Variants in MROH9 observed in about 807,000 individuals in gnomAD.
MROH9 encodes the protein maestro heat like repeat family member 9, also known as maestro heat-like repeat-containing protein family member 9.
MROH9 carries 92 observed loss-of-function variants against 98.2 expected under a neutral mutation model. The observed-to-expected ratio is 0.94, with a 90% CI of 0.79 to 1.11. The LOEUF (loss-of-function observed/expected upper bound fraction) is 1.11, where lower values mean the gene tolerates loss of function less well. Ranked by LOEUF, MROH9 falls within the 50% of genes most tolerant of loss-of-function variation. The probability of loss-of-function intolerance (pLI) is 0.00; values close to 1 mark genes in which losing one functional copy is unlikely to be tolerated. For synonymous variants in MROH9, 397 were observed against 368.9 expected, an observed-to-expected ratio of 1.08 and a Z score of -0.87; for missense variants, 1,057 against 1,014.8, an observed-to-expected ratio of 1.04 and a Z score of -0.57.
intron 20 of MROH9, among the ~76,000 whole-genome samples, chr1:171,042,457 A>T (rs1439279017): frequency 2.6e-5 from 4 of 152,204 alleles, no homozygotes. Flanking sequence ...AAAGAAATGC[A>T]GATATATCTT....
chr1:170,959,107 G>C (rs963954255), intron 4 of MROH9, among the ~76,000 whole-genome samples: 4 of 152,128 alleles, frequency 2.6e-5, no homozygotes, highest in African/African-American at 7.2e-5. Context: ...CAGGCACGGT[G>C]GCTCACACCT....
chr1:170,959,297 C>G (rs1649913560), intron 4 of MROH9, among the ~76,000 whole-genome samples, 165 bp from the exon 5 acceptor site: 1 of 152,130 alleles, frequency 6.6e-6, no homozygotes, highest in Non-Finnish European at 1.5e-5. Flanking sequence ...ATGGTGTGAA[C>G]CCGGGAGGTG....
chr1:170,999,874 T>C (rs1651729213), intron 15 of MROH9, among the ~76,000 whole-genome samples: 1 of 152,166 alleles, frequency 6.6e-6, no homozygotes, highest in African/African-American at 2.4e-5. Flanking sequence ...TTACTGTCAT[T>C]CTTGCAGGAG....
At chr1:171,033,900 TTAAA>T (rs1370531652) in intron 20 of MROH9, among the ~76,000 whole-genome samples, 1 of 152,146 alleles carries the variant, frequency 6.6e-6, no homozygotes, top group Non-Finnish European at 1.5e-5. Flanking sequence ...GATGACTTGA[TTAAA>T]TATACTGAGA....
Position 171,030,179 on chromosome 1 carries a change from CT to C in MROH9, c.2281+4767del, listed in dbSNP as rs543305790. On this transcript the variant is annotated intron_variant, in intron 20 of 21. Coordinates refer to ENST00000367759, the MANE Select transcript of MROH9 (RefSeq NM_001163629.2). The stretch of plus-strand genomic sequence containing the variant: ...TTTTTATTGTATCTATTTAATTCTT[CT>C]TTTTTTTCTACATTAGTTTAGCTAG... 3.9e-5 allele frequency among the ~76,000 whole-genome samples: 6 copies of C among 151,948 alleles called. No individual in the cohort carries two copies. In the East Asian group the frequency reaches 5.8e-4, roughly 15 times the overall value.
chr1:171,040,909 A>T (rs1262349405), intron 20 of MROH9, among the ~76,000 whole-genome samples: 1 of 152,120 alleles, frequency 6.6e-6, no homozygotes, highest in Non-Finnish European at 1.5e-5. Flanking sequence ...AAGATTCTGA[A>T]AATTACATGT....
chr1:170,992,443 T>C (rs1230522686), intron 12 of MROH9, 114 bp downstream of exon 12: 1 of 1,064,130 alleles, frequency 9.4e-7, no homozygotes, highest in African/African-American at 1.6e-5. Context: ...TTCTCATGCA[T>C]CCATTCATGC....
At chr1:170,938,071 T>C (rs1220566726) in intron 1 of MROH9, among the ~76,000 whole-genome samples, 3 of 152,206 alleles carry the variant, frequency 2.0e-5, no homozygotes, top group Admixed American at 6.5e-5. Context: ...GCCTCCATTA[T>C]GGAATAGTAG....
At position 170,982,385 on chromosome 1, in the gene MROH9, T is replaced by C. The variant is rs551396277; in HGVS notation, c.617-1037T>C. Among the ~76,000 whole-genome samples the C allele has an allele frequency of 3.3e-5, 5 of 152,222 alleles. No individual in the cohort carries two copies. The South Asian group carries it at 1.0e-3, about 32-fold the overall frequency. ...ATGGTATGATCCACTTATATAAAAT[T>C]AGAAAGTACCAACTTGACAGAGAGC... is the stretch of plus-strand genomic sequence containing the variant. On this transcript the variant is annotated intron_variant, in intron 8 of 21. Transcript: ENST00000367759.
chr1:171,016,180 T>G lies in MROH9; in HGVS notation c.1752T>G (p.Ser584Arg), dbSNP rs1652320775. 1 of 1,507,598 alleles carries G rather than the reference T, an allele frequency of 6.6e-7. No individual in the cohort carries two copies. The highest frequency in any genetic ancestry group is 8.9e-7 in the Non-Finnish European group (1 of 1,127,962). 93.4% of individuals were successfully genotyped at this position (1,507,598 alleles called of 1,614,324 possible). ...ATATGTAGACAGAAAATGTCAGCAG[T>G]ATATTAATAGCCATCCTGGATGCCT... ...PIINKTENVS[S>R]ILIAILDAFL... The change falls in exon 17 of 22, where the codon AGT becomes AGG. Residue 584 changes from serine (S) to arginine (R), a missense_variant. Transcript: ENST00000367759.
intron 1 of MROH9, among the ~76,000 whole-genome samples, chr1:170,940,983 A>G (rs762837234): frequency 9.2e-5 from 14 of 152,146 alleles, no homozygotes; most frequent in Non-Finnish European, 1.5e-4. Context: ...TCCAGAACTG[A>G]GGAAATAACA....
At chr1:170,957,205 G>A (rs1302388009) in intron 3 of MROH9, among the ~76,000 whole-genome samples, 1 of 151,896 alleles carries the variant, frequency 6.6e-6, no homozygotes, top group Non-Finnish European at 1.5e-5. Context: ...TTTTGCTTTT[G>A]TTGCCTGTGC....
chr1:170,962,025 C>A, intron 6 of MROH9, 49 bp downstream of exon 6: 1 of 977,046 alleles, frequency 1.0e-6, no homozygotes, highest in Non-Finnish European at 1.5e-6. Flanking sequence ...GTCTAGTATG[C>A]TCACTATGCT....
Position 171,016,155 on chromosome 1 carries a change from A to G in MROH9, c.1735-8A>G. On this transcript the variant is annotated splice_polypyrimidine_tract_variant and splice_region_variant and intron_variant, in intron 16 of 21. Coordinates refer to ENST00000367759, the MANE Select transcript of MROH9 (RefSeq NM_001163629.2). Reference sequence around the variant, plus strand: ...CTAAATCCCACCATTTTTTCCTTTTATATGTAGACAGAAAATGTCAGCAGT... The same window carrying G: ...CTAAATCCCACCATTTTTTCCTTTTGTATGTAGACAGAAAATGTCAGCAGT... 1 of 1,439,194 alleles carries G rather than the reference A, an allele frequency of 6.9e-7. No individual in the cohort carries two copies. The highest frequency in any genetic ancestry group is 1.6e-5 in the South Asian group (1 of 64,186). 89.2% of individuals were successfully genotyped at this position (1,439,194 alleles called of 1,614,324 possible).
chr1:171,003,048 T>C (rs1651834985), intron 15 of MROH9, among the ~76,000 whole-genome samples: 1 of 152,194 alleles, frequency 6.6e-6, no homozygotes, highest in Non-Finnish European at 1.5e-5. Flanking sequence ...TTGCTGAGAC[T>C]TTCCAGAGCA....
chr1:171,019,599 C>G (rs953792448), intron 17 of MROH9, among the ~76,000 whole-genome samples: 1 of 150,984 alleles, frequency 6.6e-6, no homozygotes, highest in Non-Finnish European at 1.5e-5. Flanking sequence ...TGCAGTCAGC[C>G]GAGATCACAC....
At chr1:170,958,219 G>A (rs1649854828) in intron 3 of MROH9, among the ~76,000 whole-genome samples, 1 of 152,144 alleles carries the variant, frequency 6.6e-6, no homozygotes, top group African/African-American at 2.4e-5. Context: ...GTGCTGTCTG[G>A]AAATGCAAAT....
At chr1:170,953,937 C>T (rs1649664067) in intron 3 of MROH9, among the ~76,000 whole-genome samples, 1 of 151,414 alleles carries the variant, frequency 6.6e-6, no homozygotes, top group African/African-American at 2.4e-5. Context: ...AGAGTCATCA[C>T]CAATTATTAT....
chr1:170,972,257 A>G (rs948915537), intron 8 of MROH9, among the ~76,000 whole-genome samples: 10 of 152,212 alleles, frequency 6.6e-5, no homozygotes, highest in South Asian at 2.1e-4. Context: ...TCTTGCTTCA[A>G]TGGTGGAGAA....
Sources: allele counts gnomAD v4.1 joint callset (sites outside exome capture counted in the v4.1 genomes callset), GRCh38; gene constraint gnomAD v4.1.1; transcripts MANE v1.5; gene names NCBI Gene and HGNC (gene_info 2026-07-23, HGNC 2026-07-21).